The following PCCA variants were observed in gnomAD, a reference collection of about 807,000 sequenced individuals.
The protein encoded by PCCA is propionyl-CoA carboxylase subunit alpha, also known as propionyl-CoA carboxylase alpha chain, mitochondrial.
PCCA carries 74 observed loss-of-function variants against 101.3 expected under a neutral mutation model. The ratio of observed to expected loss-of-function variants is 0.73; its 90% CI spans 0.61 to 0.89. PCCA has a LOEUF of 0.89. PCCA is among the 40% of genes least tolerant of loss of function. The probability of loss-of-function intolerance (pLI) is 0.00; values close to 1 mark genes in which losing one functional copy is unlikely to be tolerated. For missense variants in PCCA, 891 were observed against 907.0 expected (o/e 0.98, Z 0.23); for synonymous variants, 294 against 313.6 (o/e 0.94, Z 0.66).
intron 16 of PCCA, among the ~76,000 whole-genome samples, chr13:100,329,759 G>A (rs1241989820): frequency 1.3e-5 from 2 of 152,086 alleles, no homozygotes; most frequent in Non-Finnish European, 2.9e-5. Context: ...AAGCTCCAAA[G>A]CACTTCCCAA....
chr13:100,301,538 C>G lies in PCCA; in HGVS notation c.1144C>G (p.Leu382Val). 1 of 1,614,086 alleles carries G rather than the reference C, an allele frequency of 6.2e-7. No homozygotes were observed. The highest frequency in any genetic ancestry group is 1.3e-5 in the African/African-American group (1 of 75,034). ...GATCCGTGTTGCTAAGGGCTACCCT[C>G]TCAGGCACAAACAAGCTGATATTCG... is the stretch of plus-strand genomic sequence containing the variant. ...EMIRVAKGYP[L>V]RHKQADIRIN... Residue 382 changes from leucine (L) to valine (V), a missense_variant, in exon 13 of 24, where the codon CTC (leucine) becomes GTC (valine). Coordinates refer to ENST00000376285, the MANE Select transcript of PCCA (RefSeq NM_000282.4).
chr13:100,275,313 C>T (rs906184280), intron 12 of PCCA, among the ~76,000 whole-genome samples: 5 of 152,104 alleles, frequency 3.3e-5, no homozygotes, highest in Admixed American at 1.3e-4. Flanking sequence ...GTTTTCTGTT[C>T]GCTGTGCCGT....
At chr13:100,405,150 G>A (rs577948495) in intron 19 of PCCA, among the ~76,000 whole-genome samples, 117 of 152,316 alleles carry the variant, frequency 7.7e-4, no homozygotes, top group African/African-American at 2.6e-3. Flanking sequence ...TGCTTGCTAG[G>A]ATTTGGGTGC....
intron 22 of PCCA, among the ~76,000 whole-genome samples, chr13:100,518,028 G>A (rs761925134): frequency 3.3e-5 from 5 of 151,126 alleles, no homozygotes; most frequent in Middle Eastern, 3.4e-3. Context: ...GTTTTCCTCC[G>A]CACTAACAAT....
At chr13:100,255,239 CTTA>C (rs1395861335) in intron 8 of PCCA, among the ~76,000 whole-genome samples, 2 of 152,140 alleles carry the variant, frequency 1.3e-5, no homozygotes, top group Non-Finnish European at 2.9e-5. Context: ...ACCACAATGC[CTTA>C]TTATATATTG....
chr13:100,335,624 A>G (rs2070327926), intron 17 of PCCA, among the ~76,000 whole-genome samples: 1 of 152,060 alleles, frequency 6.6e-6, no homozygotes, highest in Non-Finnish European at 1.5e-5. Flanking sequence ...TCCTGGTGTA[A>G]GCTTTCAGAT....
chr13:100,422,103 TTTC>T (rs2078838598), intron 19 of PCCA, among the ~76,000 whole-genome samples: 2 of 139,374 alleles, frequency 1.4e-5, no homozygotes, highest in African/African-American at 3.1e-5. Flanking sequence ...TCTTTCTTTC[TTTC>T]TTTCTTTCTT....
intron 12 of PCCA, among the ~76,000 whole-genome samples, chr13:100,296,725 C>G (rs1267178062): frequency 6.6e-6 from 1 of 151,960 alleles, no homozygotes; most frequent in East Asian, 1.9e-4. Flanking sequence ...GCCTAGTGGC[C>G]CTTTACTCCT....
At chr13:100,492,084 C>G (rs1489074889) in intron 21 of PCCA, among the ~76,000 whole-genome samples, 1 of 151,880 alleles carries the variant, frequency 6.6e-6, no homozygotes, top group Admixed American at 6.6e-5. Context: ...GAAGAAGCCG[C>G]AGTCCCTGCC....
At chr13:100,332,858 G>C (rs1461433301) in intron 17 of PCCA, among the ~76,000 whole-genome samples, 1 of 152,096 alleles carries the variant, frequency 6.6e-6, no homozygotes, top group African/African-American at 2.4e-5. Flanking sequence ...CAATTATTTA[G>C]TTGCAGCCTT....
At chr13:100,112,690 C>T (rs1448603130) in intron 4 of PCCA, among the ~76,000 whole-genome samples, 1 of 151,670 alleles carries the variant, frequency 6.6e-6, no homozygotes, top group African/African-American at 2.4e-5. Flanking sequence ...GATTCTCCCG[C>T]CTCAGCCTCC....
At chr13:100,325,914 T>G (rs1486774611) in intron 16 of PCCA, among the ~76,000 whole-genome samples, 3 of 152,164 alleles carry the variant, frequency 2.0e-5, no homozygotes, top group African/African-American at 7.2e-5. Flanking sequence ...GGTGTCGAAG[T>G]GGCCTGCTTC....
intron 16 of PCCA, among the ~76,000 whole-genome samples, chr13:100,312,664 A>G (rs1249549579): frequency 6.6e-6 from 1 of 152,238 alleles, no homozygotes; most frequent in Non-Finnish European, 1.5e-5. Context: ...AGTAGCCAAA[A>G]TGCTGACCAA....
At chr13:100,135,882 C>G (rs530415830) in intron 4 of PCCA, among the ~76,000 whole-genome samples, 3 of 152,200 alleles carry the variant, frequency 2.0e-5, no homozygotes, top group Non-Finnish European at 4.4e-5. Context: ...TACACTTTTC[C>G]TAAATCAATT....
chr13:100,511,685 G>A (rs1224022724), intron 21 of PCCA, among the ~76,000 whole-genome samples: 3 of 152,190 alleles, frequency 2.0e-5, no homozygotes, highest in South Asian at 2.1e-4. Context: ...GAAGAGGAAC[G>A]GAGGTTGACA....
chr13:100,498,569 A>G (rs905263446), intron 21 of PCCA, among the ~76,000 whole-genome samples: 5 of 152,196 alleles, frequency 3.3e-5, no homozygotes, highest in African/African-American at 1.2e-4. Flanking sequence ...AACGTTCACA[A>G]CGCTGTACAA....
intron 21 of PCCA, among the ~76,000 whole-genome samples, chr13:100,455,569 T>G (rs1007481239): frequency 2.6e-5 from 4 of 152,196 alleles, no homozygotes; most frequent in Admixed American, 6.5e-5. Context: ...CAGGATGCTG[T>G]GGTGTTGATA....
intron 19 of PCCA, among the ~76,000 whole-genome samples, chr13:100,410,687 A>AT (rs940430694): frequency 3.9e-5 from 6 of 152,004 alleles, no homozygotes; most frequent in African/African-American, 1.4e-4. Flanking sequence ...AATTGATGCT[A>AT]TTTTTTTTAA....
chr13:100,156,818 C>T (rs2053938768), intron 5 of PCCA, among the ~76,000 whole-genome samples: 1 of 152,118 alleles, frequency 6.6e-6, no homozygotes, highest in Admixed American at 6.5e-5. Context: ...ATTACCAGTT[C>T]GTGAGTACTG....
Sources: allele counts gnomAD v4.1 joint callset (sites outside exome capture counted in the v4.1 genomes callset), GRCh38; gene constraint gnomAD v4.1.1; transcripts MANE v1.5; gene names NCBI Gene and HGNC (gene_info 2026-07-23, HGNC 2026-07-21).